The following MACROD1 variants were observed in gnomAD, a reference collection of about 807,000 sequenced individuals.
MACROD1 encodes the protein mono-ADP ribosylhydrolase 1, also known as ADP-ribose glycohydrolase MACROD1.
Under a neutral mutation model 41.4 loss-of-function variants are expected in MACROD1, and 31 were observed. The observed-to-expected ratio is 0.75, with a 90% confidence interval of 0.56 to 1.01. The LOEUF (loss-of-function observed/expected upper bound fraction) is 1.01, where lower values mean the gene tolerates loss of function less well. Among genes scored for constraint, MACROD1 ranks in the 50% least tolerant of loss-of-function variants. The pLI is 0.00. For missense variants in MACROD1, 473 were observed against 460.0 expected, an observed-to-expected ratio of 1.03 and a Z score of -0.26; for synonymous variants, 252 against 203.4, an observed-to-expected ratio of 1.24 and a Z score of -2.03.
chr11:64,008,100 C>CTT (rs1942943350), intron 4 of MACROD1, among the ~76,000 whole-genome samples: 1 of 152,222 alleles, frequency 6.6e-6, no homozygotes, highest in Non-Finnish European at 1.5e-5. Context: ...GCGCTGAATA[C>CTT]TTAGAGGCCT....
At chr11:64,116,467 G>C in intron 3 of MACROD1, 1 of 1,614,002 alleles carries the variant, frequency 6.2e-7, no homozygotes, top group Non-Finnish European at 8.5e-7. Context: ...TTCATCTACT[G>C]CAACGACCGG....
intron 3 of MACROD1, among the ~76,000 whole-genome samples, chr11:64,052,270 C>CT (rs1565210453): frequency 6.6e-6 from 1 of 152,044 alleles, no homozygotes; most frequent in African/African-American, 2.4e-5. Flanking sequence ...AAAAAAACAA[C>CT]TTTTTTTGCT....
chr11:64,164,431 G>T (rs938332094), intron 1 of MACROD1, among the ~76,000 whole-genome samples: 1 of 152,222 alleles, frequency 6.6e-6, no homozygotes, highest in African/African-American at 2.4e-5. Context: ...CTCCTGGGTT[G>T]TTGTCCTCTG....
intron 4 of MACROD1, among the ~76,000 whole-genome samples, chr11:64,004,145 G>C (rs1426901695): frequency 6.6e-6 from 1 of 152,190 alleles, no homozygotes; most frequent in African/African-American, 2.4e-5. Flanking sequence ...GTAAAGCCCT[G>C]CCTTCCAGCC....
intron 3 of MACROD1, among the ~76,000 whole-genome samples, chr11:64,025,083 T>C (rs542559485): frequency 6.6e-6 from 1 of 152,236 alleles, no homozygotes; most frequent in South Asian, 2.1e-4. Context: ...TTCAAGAGAT[T>C]CTGCCAGGCC....
At chr11:64,037,169 C>T (rs1241094898) in intron 3 of MACROD1, among the ~76,000 whole-genome samples, 1 of 152,172 alleles carries the variant, frequency 6.6e-6, no homozygotes, top group East Asian at 1.9e-4. Flanking sequence ...TGAGAACAGC[C>T]CTGCCTCACC....
intron 3 of MACROD1, among the ~76,000 whole-genome samples, chr11:64,107,846 C>T (rs1944790458): frequency 6.6e-6 from 1 of 152,166 alleles, no homozygotes. Flanking sequence ...TGAACTAGGG[C>T]TTGGAAAAGC....
intron 3 of MACROD1, among the ~76,000 whole-genome samples, chr11:64,028,168 G>C (rs1943245556): frequency 6.6e-6 from 1 of 152,208 alleles, no homozygotes; most frequent in South Asian, 2.1e-4. Flanking sequence ...GGAGTGCTGG[G>C]GAGGCGCATG....
chr11:64,026,650 T>C (rs1464736869), intron 3 of MACROD1, among the ~76,000 whole-genome samples: 1 of 152,172 alleles, frequency 6.6e-6, no homozygotes, highest in Admixed American at 6.5e-5. Context: ...TAGCTTCCGA[T>C]TATACTTAGA....
At chr11:63,999,132 C>T in intron 8 of MACROD1, 96 bp from the exon 9 acceptor site, 1 of 1,367,894 alleles carries the variant, frequency 7.3e-7, no homozygotes, top group Admixed American at 2.2e-5. Flanking sequence ...CCTGCCTGGC[C>T]CTGCGCCCTT....
At chr11:64,003,944 C>T (rs550186688) in intron 4 of MACROD1, among the ~76,000 whole-genome samples, 127 of 152,352 alleles carry the variant, frequency 8.3e-4, no homozygotes, top group African/African-American at 2.9e-3. Flanking sequence ...CCAGCGCTGA[C>T]GGCTCCCTCC....
chr11:64,067,188 C>T lies in MACROD1; in HGVS notation c.518-51907G>A, dbSNP rs1430986159. Among the ~76,000 whole-genome samples, 5 of 152,228 alleles carry T rather than the reference C, an allele frequency of 3.3e-5. No individual in the cohort carries two copies. The East Asian group carries it at 5.8e-4, about 18-fold the overall frequency. ...GGCCATACCCACCTGTAGGCACATG[C>T]GGCTCCAAGGAGATGGCAGATGGGA... is the stretch of plus-strand genomic sequence containing the variant. On this transcript the variant is annotated intron_variant, in intron 3 of 10. Coordinates refer to ENST00000255681, the MANE Select transcript of MACROD1 (RefSeq NM_014067.4). This position sits in a 1 kb window ranked among gnomAD's most constrained non-coding sequence, Gnocchi z 4.6.
At chr11:64,093,321 G>A (rs954773750) in intron 3 of MACROD1, among the ~76,000 whole-genome samples, 3 of 152,238 alleles carry the variant, frequency 2.0e-5, no homozygotes, top group African/African-American at 7.2e-5. Context: ...TGTTGTCACT[G>A]CTGCGGACAC....
intron 3 of MACROD1, among the ~76,000 whole-genome samples, chr11:64,032,245 G>A (rs1240547244): frequency 6.6e-6 from 1 of 152,218 alleles, no homozygotes; most frequent in Non-Finnish European, 1.5e-5. Context: ...ATAATGGTGA[G>A]TCATATTGTA....
intron 3 of MACROD1, chr11:64,116,794 G>A (rs751819095): frequency 3.1e-6 from 5 of 1,613,502 alleles, no homozygotes; most frequent in Non-Finnish European, 3.4e-6. Flanking sequence ...TTCGCCGACA[G>A]CAAACAGCTC....
At chr11:64,066,033 C>T (rs1590861202) in intron 3 of MACROD1, among the ~76,000 whole-genome samples, 2 of 152,046 alleles carry the variant, frequency 1.3e-5, no homozygotes, top group South Asian at 2.1e-4. Context: ...TGGTGGCTCA[C>T]GCCTGTAATC....
chr11:64,096,329 C>T lies in MACROD1; in HGVS notation c.517+54910G>A, dbSNP rs951322606. On this transcript the variant is annotated intron_variant, in intron 3 of 10. Coordinates refer to ENST00000255681, the MANE Select transcript of MACROD1 (RefSeq NM_014067.4). This position sits in a 1 kb window ranked among gnomAD's most constrained non-coding sequence, Gnocchi z 4.6. ...TTCATCACCCCGAGCTTCCTCTAGG[C>T]TGGACACGGTCCCTAATGGGCACGG... Among the ~76,000 whole-genome samples, 5 of 152,176 alleles carry T rather than the reference C, an allele frequency of 3.3e-5. No homozygotes were observed. Among genetic ancestry groups the T allele is most frequent in the Non-Finnish European group, 7.3e-5 (5 of 68,032 alleles).
chr11:64,052,573 G>T (rs986961170), intron 3 of MACROD1, among the ~76,000 whole-genome samples: 1 of 152,178 alleles, frequency 6.6e-6, no homozygotes, highest in Admixed American at 6.5e-5. Context: ...CTCCTCACCC[G>T]CTGCTCTTGG....
chr11:64,109,947 T>C (rs1054635983), intron 3 of MACROD1, among the ~76,000 whole-genome samples: 3 of 152,112 alleles, frequency 2.0e-5, no homozygotes, highest in Admixed American at 6.5e-5. Context: ...CTGCAGAAGC[T>C]AGGCCGTGTG....
Sources: allele counts gnomAD v4.1 joint callset (sites outside exome capture counted in the v4.1 genomes callset), GRCh38; gene constraint gnomAD v4.1.1; non-coding constraint Gnocchi (gnomAD v3.1); transcripts MANE v1.5; gene names NCBI Gene and HGNC (gene_info 2026-07-23, HGNC 2026-07-21).